GRID1: variants seen among roughly 807,000 people sequenced by gnomAD.
GRID1 encodes glutamate receptor ionotropic, delta-1.
A neutral mutation model predicts 98.0 loss-of-function variants in GRID1; 28 were observed. The ratio of observed to expected loss-of-function variants is 0.29; its 90% CI spans 0.21 to 0.39. The LOEUF (loss-of-function observed/expected upper bound fraction) is 0.39. Among genes scored for constraint, GRID1 ranks in the 10% least tolerant of loss-of-function variants. The pLI, the probability that GRID1 is intolerant of heterozygous loss-of-function variation, is 1.00. For synonymous variants in GRID1, 553 were observed against 538.5 expected, an observed-to-expected ratio of 1.03 and a Z score of -0.37; for missense variants, 1,111 against 1,340.5, an observed-to-expected ratio of 0.83 and a Z score of 2.67.
At chr10:85,988,117 C>G (rs1010602120) in intron 4 of GRID1, among the ~76,000 whole-genome samples, 1 of 152,170 alleles carries the variant, frequency 6.6e-6, no homozygotes, top group Non-Finnish European at 1.5e-5. Context: ...CCTCACAACT[C>G]AGCTCAAGTG....
At chr10:85,904,334 A>G (rs976842824) in intron 5 of GRID1, among the ~76,000 whole-genome samples, 1 of 152,226 alleles carries the variant, frequency 6.6e-6, no homozygotes, top group African/African-American at 2.4e-5. Flanking sequence ...TTTATGACTG[A>G]ACTAAATCTC....
At chr10:85,708,569 G>C (rs1040301885) in intron 12 of GRID1, among the ~76,000 whole-genome samples, 5 of 152,168 alleles carry the variant, frequency 3.3e-5, no homozygotes, top group Non-Finnish European at 7.3e-5. Context: ...CAATAAAGTA[G>C]ATTTAAGGTA....
At chr10:85,978,135 T>C (rs936608286) in intron 4 of GRID1, among the ~76,000 whole-genome samples, 6 of 152,214 alleles carry the variant, frequency 3.9e-5, no homozygotes, top group Admixed American at 2.0e-4. Flanking sequence ...GGTCCCGCAG[T>C]GGACATTTTT....
intron 8 of GRID1, among the ~76,000 whole-genome samples, chr10:85,836,302 G>A (rs139961061): frequency 1.2e-3 from 183 of 152,262 alleles, no homozygotes; most frequent in African/African-American, 4.2e-3. Flanking sequence ...TAGCTCCCAT[G>A]GAGGGATGGA....
intron 3 of GRID1, among the ~76,000 whole-genome samples, chr10:86,184,016 A>G (rs1000530515): frequency 6.6e-6 from 1 of 152,220 alleles, no homozygotes; most frequent in Admixed American, 6.5e-5. Context: ...GCATTTTCCT[A>G]ATCAATAATT....
In GRID1 at chr10:86,234,338, G is replaced by A. The variant is rs142807373; in HGVS notation, c.236-27690C>T. 8.5e-3 allele frequency among the ~76,000 whole-genome samples: 1,292 copies of A among 152,292 alleles called. 23 individuals are homozygous for A. Among genetic ancestry groups the A allele is most frequent in the African/African-American group, 0.028 (1,184 of 41,546 alleles). On this transcript the variant is annotated intron_variant, in intron 2 of 15. Transcript: ENST00000327946. ...TCCCTATACAGGCAGCAGCTCCCAC[G>A]CTATCAAATGAGCCCTGCTCCCCAG...
chr10:86,260,848 A>C (rs1847005896), intron 2 of GRID1, among the ~76,000 whole-genome samples: 1 of 152,266 alleles, frequency 6.6e-6, no homozygotes, highest in South Asian at 2.1e-4. Context: ...CAGAGCTGAT[A>C]AGACAGCCGG....
chr10:85,996,105 A>G (rs945624498), intron 4 of GRID1, among the ~76,000 whole-genome samples: 2 of 152,238 alleles, frequency 1.3e-5, no homozygotes, highest in African/African-American at 4.8e-5. Flanking sequence ...ACCTGCTAAA[A>G]CAAAAATATC....
chr10:85,740,400 C>T lies in GRID1; in HGVS notation c.1234-10786G>A, dbSNP rs1162462073. Among the ~76,000 whole-genome samples the T allele has an allele frequency of 5.9e-5, 9 of 152,134 alleles. No homozygotes were observed. The South Asian group carries it at 8.3e-4, about 14-fold the overall frequency. ...AGATTCTTGTTGGTTTTAATTGACC[C>T]GAATTAATGACCCTATGTACACTAT... On this transcript the variant is annotated intron_variant, in intron 8 of 15. Transcript: ENST00000327946.
At chr10:85,741,831 C>T (rs1020110872) in intron 8 of GRID1, among the ~76,000 whole-genome samples, 9 of 152,104 alleles carry the variant, frequency 5.9e-5, no homozygotes, top group South Asian at 4.2e-4. Flanking sequence ...TACACCCCAC[C>T]GACACTGGCC....
At chr10:86,292,485 G>T (rs1347390359) in intron 2 of GRID1, among the ~76,000 whole-genome samples, 1 of 152,214 alleles carries the variant, frequency 6.6e-6, no homozygotes, top group East Asian at 1.9e-4. Context: ...AGCAATTGTT[G>T]GTAAACTGGA....
chr10:86,212,181 G>A (rs1209329141), intron 2 of GRID1, among the ~76,000 whole-genome samples: 1 of 152,184 alleles, frequency 6.6e-6, no homozygotes, highest in Non-Finnish European at 1.5e-5. Context: ...GAGACCCACG[G>A]TTCCTGGTGC....
intron 3 of GRID1, among the ~76,000 whole-genome samples, chr10:86,140,717 C>T (rs997470182): frequency 6.6e-6 from 1 of 152,358 alleles, no homozygotes. Context: ...AGTACAGTCT[C>T]TGAAGCCCTC....
intron 8 of GRID1, among the ~76,000 whole-genome samples, chr10:85,737,360 A>G (rs777302104): frequency 6.6e-6 from 1 of 152,046 alleles, no homozygotes; most frequent in Non-Finnish European, 1.5e-5. Context: ...GTGGTGCTGG[A>G]GAGAAAGGCA....
At chr10:86,313,203 T>A (rs1180470762) in intron 2 of GRID1, among the ~76,000 whole-genome samples, 2 of 152,244 alleles carry the variant, frequency 1.3e-5, no homozygotes, top group African/African-American at 4.8e-5. Flanking sequence ...AAGCTCTGTT[T>A]AATTCCTCTG....
intron 4 of GRID1, among the ~76,000 whole-genome samples, chr10:85,970,070 G>A (rs1022329336): frequency 1.1e-4 from 17 of 151,560 alleles, no homozygotes; most frequent in African/African-American, 3.6e-4. Flanking sequence ...CTAAATAAGC[G>A]AACTAGATAT....
Position 86,206,971 on chromosome 10 carries a change from C to G in GRID1, c.236-323G>C, listed in dbSNP as rs1393812729. Reference sequence around the variant, plus strand: ...ATCCATCCCAAATCTGCCTGATTCACCCCCACTGAGCTGTAAAATTAGCCA... The same window carrying G: ...ATCCATCCCAAATCTGCCTGATTCAGCCCCACTGAGCTGTAAAATTAGCCA... On this transcript the variant is annotated intron_variant, in intron 2 of 15. Coordinates refer to ENST00000327946, the MANE Select transcript of GRID1 (RefSeq NM_017551.3). This position sits in a 1 kb window ranked among gnomAD's most constrained non-coding sequence, Gnocchi z 4.1. Among the ~76,000 whole-genome samples the G allele has an allele frequency of 6.6e-6, 1 of 152,234 alleles. No individual in the cohort carries two copies. Among genetic ancestry groups the G allele is most frequent in the Non-Finnish European group, 1.5e-5 (1 of 68,046 alleles).
chr10:85,641,685 A>T (rs536545507), intron 13 of GRID1, among the ~76,000 whole-genome samples: 31 of 152,340 alleles, frequency 2.0e-4, no homozygotes, highest in African/African-American at 6.7e-4. Flanking sequence ...TCGGTTTCAG[A>T]TGAAAGTATG....
At chr10:85,905,330 A>G (rs1841444852) in intron 5 of GRID1, among the ~76,000 whole-genome samples, 2 of 151,972 alleles carry the variant, frequency 1.3e-5, no homozygotes, top group East Asian at 3.9e-4. Flanking sequence ...AGACATACAA[A>G]AGCGGCAAGC....
Sources: gnomAD v4.1 joint callset for allele counts (sites outside exome capture counted in the v4.1 genomes callset) on GRCh38, gnomAD v4.1.1 for gene constraint, Gnocchi (gnomAD v3.1) non-coding constraint, MANE v1.5 for transcripts, NCBI Gene and HGNC (gene_info 2026-07-23, HGNC 2026-07-21) for gene names.